ATRNL1: variants seen among roughly 807,000 people sequenced by gnomAD.
ATRNL1 encodes the protein attractin-like protein 1.
ATRNL1 carries 95 observed loss-of-function variants against 182.7 expected under a neutral mutation model. That is an observed-to-expected ratio of 0.52 (90% CI 0.44 to 0.62). The LOEUF is 0.62. Ranked by LOEUF, ATRNL1 falls within the 20% of genes least tolerant of loss-of-function variation. The probability of loss-of-function intolerance (pLI) is 0.00; values close to 1 mark genes in which losing one functional copy is unlikely to be tolerated. For missense variants in ATRNL1, 1,471 were observed against 1,679.5 expected, an observed-to-expected ratio of 0.88 and a Z score of 2.17; for synonymous variants, 576 against 568.3, an observed-to-expected ratio of 1.01 and a Z score of -0.19.
At chr10:115,793,988 T>C (rs572954669) in intron 27 of ATRNL1, among the ~76,000 whole-genome samples, 1 of 152,170 alleles carries the variant, frequency 6.6e-6, no homozygotes, top group Non-Finnish European at 1.5e-5. Flanking sequence ...CAAAGCTTTA[T>C]TGATGGAAGA....
chr10:115,705,107 C>G (rs1450593819), intron 26 of ATRNL1, among the ~76,000 whole-genome samples: 1 of 151,840 alleles, frequency 6.6e-6, no homozygotes, highest in Non-Finnish European at 1.5e-5. Flanking sequence ...GGATGATCCC[C>G]GAAATCTGAT....
At chr10:115,690,410 C>T (rs1418677452) in intron 26 of ATRNL1, among the ~76,000 whole-genome samples, 4 of 152,178 alleles carry the variant, frequency 2.6e-5, no homozygotes, top group East Asian at 1.9e-4. Flanking sequence ...ATAGGGTTCT[C>T]GCTCCTGTGA....
Position 115,867,045 on chromosome 10 carries a change from C to T in ATRNL1, c.4018+19054C>T, listed in dbSNP as rs115011000. On this transcript the variant is annotated intron_variant, in intron 28 of 28. Transcript: ENST00000355044. Reference sequence around the variant, plus strand: ...ATGAGAAAGTAAATTCAAACCTTTACCATAATAAGTCTGAATTCTGACCAG... The same window carrying T: ...ATGAGAAAGTAAATTCAAACCTTTATCATAATAAGTCTGAATTCTGACCAG... 6.8e-3 allele frequency among the ~76,000 whole-genome samples: 1,029 copies of T among 152,198 alleles called. 13 individuals carry two copies. Among genetic ancestry groups the T allele is most frequent in the African/African-American group, 0.024 (991 of 41,522 alleles).
chr10:115,386,995 T>A (rs1399021217), intron 19 of ATRNL1, among the ~76,000 whole-genome samples: 1 of 151,630 alleles, frequency 6.6e-6, no homozygotes, highest in African/African-American at 2.4e-5. Flanking sequence ...CTATTCACAA[T>A]AGCAAAGACT....
At chr10:115,793,576 C>T (rs1220775315) in intron 27 of ATRNL1, among the ~76,000 whole-genome samples, 4 of 151,972 alleles carry the variant, frequency 2.6e-5, no homozygotes, top group African/African-American at 9.7e-5. Context: ...TTGAGGACCA[C>T]TTTGGTTTTA....
At chr10:115,128,265 T>C (rs1845061158) in intron 4 of ATRNL1, 1 of 153,368 alleles carries the variant, frequency 6.5e-6, no homozygotes, top group Non-Finnish European at 1.4e-5. Context: ...ATAAGAAAAG[T>C]AATATTCATT....
intron 24 of ATRNL1, among the ~76,000 whole-genome samples, chr10:115,503,341 T>C (rs1280168206): frequency 1.3e-5 from 2 of 152,112 alleles, no homozygotes; most frequent in Non-Finnish European, 2.9e-5. Flanking sequence ...AAGAAAATAT[T>C]TTCTTTAGAG....
intron 20 of ATRNL1, among the ~76,000 whole-genome samples, chr10:115,399,178 T>C (rs1844433670): frequency 6.6e-6 from 1 of 152,130 alleles, no homozygotes; most frequent in Non-Finnish European, 1.5e-5. Flanking sequence ...TTTTGTTGTG[T>C]CTCTGCCAGG....
intron 18 of ATRNL1, among the ~76,000 whole-genome samples, chr10:115,326,628 C>G (rs1192453007): frequency 2.0e-5 from 3 of 151,858 alleles, no homozygotes; most frequent in Non-Finnish European, 4.4e-5. Flanking sequence ...ATCGCCAAGT[C>G]AATCCTAAGC....
chr10:115,351,769 G>GTTTTC (rs1349710767), intron 19 of ATRNL1, among the ~76,000 whole-genome samples: 5 of 151,746 alleles, frequency 3.3e-5, no homozygotes, highest in Non-Finnish European at 7.4e-5. Context: ...GTTTTGTTTT[G>GTTTTC]TTTGTGTTTT....
chr10:115,687,888 A>G (rs1311207072), intron 26 of ATRNL1, among the ~76,000 whole-genome samples: 1 of 152,088 alleles, frequency 6.6e-6, no homozygotes, highest in Non-Finnish European at 1.5e-5. Context: ...CTAGCCTGCT[A>G]TCAAATATTA....
Position 115,457,645 on chromosome 10 carries a change from T to G in ATRNL1, c.3323-4296T>G, listed in dbSNP as rs12251892. ...ATTCTCTTTCTCAGCTGATGGCCTT[T>G]CTGATTTTATTGAGAAAATGGAAGC... On this transcript the variant is annotated intron_variant, in intron 21 of 28. Coordinates refer to ENST00000355044, the MANE Select transcript of ATRNL1 (RefSeq NM_207303.4). Among the ~76,000 whole-genome samples the G allele has an allele frequency of 3.6e-3, 541 of 152,180 alleles. 3 individuals are homozygous for G. Among genetic ancestry groups the G allele is most frequent in the Non-Finnish European group, 6.5e-3 (441 of 67,998 alleles).
chr10:115,861,220 C>T (rs1555103422), intron 28 of ATRNL1, among the ~76,000 whole-genome samples: 1 of 152,118 alleles, frequency 6.6e-6, no homozygotes, highest in Non-Finnish European at 1.5e-5. Flanking sequence ...CATGTTTACC[C>T]ATCCTCAGTC....
intron 3 of ATRNL1, among the ~76,000 whole-genome samples, chr10:115,127,058 C>A (rs937173362): frequency 6.6e-6 from 1 of 152,026 alleles, no homozygotes; most frequent in Non-Finnish European, 1.5e-5. Context: ...ACATTAAAGT[C>A]TATATAGTTT....
At chr10:115,350,956 T>C (rs1484486395) in intron 19 of ATRNL1, among the ~76,000 whole-genome samples, 2 of 152,198 alleles carry the variant, frequency 1.3e-5, no homozygotes, top group African/African-American at 4.8e-5. Flanking sequence ...CAGTGTTTTA[T>C]AGTTTTAATT....
chr10:115,616,111 A>C (rs1857413834), intron 26 of ATRNL1, among the ~76,000 whole-genome samples: 1 of 152,194 alleles, frequency 6.6e-6, no homozygotes, highest in Non-Finnish European at 1.5e-5. Context: ...GAGGCTGATG[A>C]GACCTCAGTT....
intron 26 of ATRNL1, among the ~76,000 whole-genome samples, chr10:115,567,875 A>G (rs1404968046): frequency 6.6e-6 from 1 of 152,104 alleles, no homozygotes; most frequent in Non-Finnish European, 1.5e-5. Context: ...CACAATGTCT[A>G]TGATCTCTTT....
At chr10:115,771,026 CT>C (rs1555076246) in intron 27 of ATRNL1, among the ~76,000 whole-genome samples, 1 of 151,996 alleles carries the variant, frequency 6.6e-6, no homozygotes, top group African/African-American at 2.4e-5. Context: ...ACAATATTAA[CT>C]TTTGAGGACG....
At chr10:115,372,054 AC>A (rs1857423541) in intron 19 of ATRNL1, among the ~76,000 whole-genome samples, 1 of 152,024 alleles carries the variant, frequency 6.6e-6, no homozygotes, top group South Asian at 2.1e-4. Context: ...CATACCTTTC[AC>A]CTTCTGCCGT....
Sources: gnomAD v4.1 joint callset for allele counts (sites outside exome capture counted in the v4.1 genomes callset) on GRCh38, gnomAD v4.1.1 for gene constraint, MANE v1.5 for transcripts, NCBI Gene and HGNC (gene_info 2026-07-23, HGNC 2026-07-21) for gene names.